The following AEBP2 variants were observed in gnomAD, a reference collection of about 807,000 sequenced individuals.
The protein encoded by AEBP2 is AE binding protein 2.
A neutral mutation model predicts 50.8 loss-of-function variants in AEBP2; 10 were observed. The observed-to-expected ratio is 0.20, with a 90% confidence interval of 0.12 to 0.33. AEBP2 has a LOEUF of 0.33. Among genes scored for constraint, AEBP2 ranks in the 10% least tolerant of loss-of-function variants. The pLI, the probability that AEBP2 is intolerant of heterozygous loss-of-function variation, is 1.00. For missense variants in AEBP2, 570 were observed against 688.0 expected, an observed-to-expected ratio of 0.83 and a Z score of 1.92; for synonymous variants, 296 against 261.3, an observed-to-expected ratio of 1.13 and a Z score of -1.28.
At chr12:19,422,447 A>T (rs569203804) in intron 1 of AEBP2, among the ~76,000 whole-genome samples, 223 of 152,124 alleles carry the variant, frequency 1.5e-3, no homozygotes, top group Non-Finnish European at 2.7e-3. Context: ...AGGATTTTTT[A>T]AAAAATTTAT....
At chr12:19,469,924 T>C (rs2153371654) in intron 2 of AEBP2, among the ~76,000 whole-genome samples, 1 of 152,352 alleles carries the variant, frequency 6.6e-6, no homozygotes, top group Non-Finnish European at 1.5e-5. Context: ...CTTCCAAATT[T>C]GGATGTAATT....
chr12:19,504,659 A>G (rs1949129659), intron 5 of AEBP2, among the ~76,000 whole-genome samples: 1 of 152,140 alleles, frequency 6.6e-6, no homozygotes, highest in South Asian at 2.1e-4. Flanking sequence ...TACAGGGAAG[A>G]TAGATCCTGC....
At chr12:19,408,550 A>T (rs886601199) in intron 1 of AEBP2, among the ~76,000 whole-genome samples, 4 of 151,990 alleles carry the variant, frequency 2.6e-5, no homozygotes, top group African/African-American at 9.7e-5. Flanking sequence ...AAAAAAAAAA[A>T]AAAGAAAGCG....
upstream of AEBP2, among the ~76,000 whole-genome samples, chr12:19,439,358 G>C (rs1223295057): frequency 1.4e-5 from 2 of 146,416 alleles, no homozygotes; most frequent in African/African-American, 2.5e-5. Context: ...CCGAGGAAAC[G>C]CTGAGCACTT....
chr12:19,416,316 T>A (rs2095742547), intron 1 of AEBP2, among the ~76,000 whole-genome samples: 1 of 152,242 alleles, frequency 6.6e-6, no homozygotes, highest in Non-Finnish European at 1.5e-5. Flanking sequence ...ATAATTGGTA[T>A]TCAATATTGC....
chr12:19,415,517 T>TA (rs535756764), intron 1 of AEBP2, among the ~76,000 whole-genome samples: 1 of 151,216 alleles, frequency 6.6e-6, no homozygotes, highest in Non-Finnish European at 1.5e-5. Flanking sequence ...AATGGGTTTT[T>TA]ACTGTTAAAA....
chr12:19,427,509 T>C (rs2095749181), intron 1 of AEBP2, among the ~76,000 whole-genome samples: 2 of 152,072 alleles, frequency 1.3e-5, no homozygotes, highest in African/African-American at 4.8e-5. Flanking sequence ...CTCCATCCAA[T>C]TCTCAGCCTT....
chr12:19,406,276 A>C (rs936855240), intron 1 of AEBP2, among the ~76,000 whole-genome samples: 1 of 152,090 alleles, frequency 6.6e-6, no homozygotes, highest in African/African-American at 2.4e-5. Context: ...ACATTGATAC[A>C]TCATTATCAC....
intron 1 of AEBP2, among the ~76,000 whole-genome samples, chr12:19,446,541 A>C (rs1948070063): frequency 6.6e-6 from 1 of 152,128 alleles, no homozygotes; most frequent in South Asian, 2.1e-4. Context: ...CATCCTGGCT[A>C]ACACGGTGAA....
intron 3 of AEBP2, among the ~76,000 whole-genome samples, chr12:19,490,100 G>A (rs1948875470): frequency 7.0e-6 from 1 of 143,530 alleles, no homozygotes; most frequent in African/African-American, 2.6e-5. Flanking sequence ...TCCCACCTTG[G>A]CCTCCCAGAA....
intron 1 of AEBP2, among the ~76,000 whole-genome samples, chr12:19,414,423 G>A (rs565229809): frequency 6.6e-6 from 1 of 152,152 alleles, no homozygotes; most frequent in African/African-American, 2.4e-5. Flanking sequence ...AAATCAGTGG[G>A]CTTTCAGGAT....
chr12:19,457,283 C>T (rs1229894867), intron 1 of AEBP2: 2 of 1,568,432 alleles, frequency 1.3e-6, no homozygotes, highest in Non-Finnish European at 8.7e-7. Flanking sequence ...CCAACACTGG[C>T]AGCAACAATC....
At chr12:19,492,740 A>G (rs4963543) in intron 3 of AEBP2, among the ~76,000 whole-genome samples, 3,274 of 152,214 alleles carry the variant, frequency 0.022, 42 homozygotes, top group East Asian at 0.043. Context: ...GCCTAGGCAA[A>G]TGGATGGTTT....
chr12:19,428,678 T>G (rs2095749840), intron 1 of AEBP2, among the ~76,000 whole-genome samples: 1 of 152,128 alleles, frequency 6.6e-6, no homozygotes, highest in Non-Finnish European at 1.5e-5. Flanking sequence ...CTGGGTGTGG[T>G]GGTGCACACC....
upstream of AEBP2, among the ~76,000 whole-genome samples, chr12:19,439,280 C>A (rs986863046): frequency 6.6e-6 from 1 of 152,026 alleles, no homozygotes; most frequent in African/African-American, 2.4e-5. Context: ...CTAAAATCCC[C>A]GGCCAGCGTT....
intron 1 of AEBP2, among the ~76,000 whole-genome samples, chr12:19,442,673 A>T (rs1488048836): frequency 6.6e-6 from 1 of 152,212 alleles, no homozygotes; most frequent in Admixed American, 6.5e-5. Context: ...AATTTTAGAG[A>T]CTACAGAATA....
chr12:19,500,039 ATTAC>A (rs1949043270), intron 4 of AEBP2, 54 bp from the exon 5 acceptor site: 6 of 1,426,900 alleles, frequency 4.2e-6, no homozygotes, highest in Middle Eastern at 1.7e-4. Flanking sequence ...TTCCATCTTT[ATTAC>A]TTATTACTGT....
In AEBP2 at chr12:19,519,346, ATTG is replaced by A. The variant is rs1182229303; in HGVS notation, c.*1232_*1234del. ...GTACTTCACTAGTGCTGCCAGAGGA[ATTG>A]TTAATAAAAGCACCTTCTTTAACAA... On this transcript the variant is annotated 3_prime_UTR_variant, in exon 8 of 8. Transcript: ENST00000266508. 6.6e-6 allele frequency: 1 copy of A among 152,580 alleles called. No individual in the cohort carries two copies. The highest frequency in any genetic ancestry group is 1.5e-5 in the Non-Finnish European group (1 of 67,988). The allele number at this position is 152,580 out of a possible 1,614,324, so 9.5% of individuals were successfully genotyped here. A position where few individuals can be genotyped will look rare whatever the true frequency, so the allele number is the denominator to read the frequency against.
intron 1 of AEBP2, among the ~76,000 whole-genome samples, chr12:19,420,776 T>A (rs2095745276): frequency 6.6e-6 from 1 of 152,252 alleles, no homozygotes; most frequent in Non-Finnish European, 1.5e-5. Flanking sequence ...TGATTGACCT[T>A]CCTGGCAAAA....
Sources: gnomAD v4.1 joint callset for allele counts (sites outside exome capture counted in the v4.1 genomes callset) on GRCh38, gnomAD v4.1.1 for gene constraint, MANE v1.5 for transcripts, NCBI Gene and HGNC (gene_info 2026-07-23, HGNC 2026-07-21) for gene names.